The following PNPLA6 variants were observed in gnomAD, a reference collection of about 807,000 sequenced individuals.
PNPLA6 encodes patatin like domain 6, lysophospholipase, also known as patatin-like phospholipase domain-containing protein 6.
Under a neutral mutation model 153.7 loss-of-function variants are expected in PNPLA6, and 105 were observed. The ratio of observed to expected loss-of-function variants is 0.68; its 90% CI spans 0.58 to 0.80. The LOEUF (loss-of-function observed/expected upper bound fraction) is 0.80. PNPLA6 is among the 30% of genes least tolerant of loss of function. The pLI is 0.00. For missense variants in PNPLA6, 1,423 were observed against 1,919.3 expected (o/e 0.74, Z 4.83); for synonymous variants, 825 against 822.2 (o/e 1.00, Z -0.06).
rs1316060830 is a variant in PNPLA6, at chr19:7,561,074, C to T, written c.3877C>T (p.Pro1293Ser). The T allele has an allele frequency of 6.2e-7, 1 of 1,612,774 alleles. No individual in the cohort carries two copies. The change falls in exon 30 of 32, where the codon CCC becomes TCC. Residue 1293 changes from proline to serine, a missense_variant. This residue lies in a region of PNPLA6 where 643 missense variants were observed against 835.2 expected (regional missense o/e 0.77). Transcript: ENST00000600737. ...GGCAGAGATTGTGTCCCGGATTGAG[C>T]CCCCCACGAGCTATGTCTCTGATGG... ...DLAEIVSRIEPPTSYVSDGCA... is the reference protein window; with the variant it reads ...DLAEIVSRIESPTSYVSDGCA...
chr19:7,535,491 G>C, upstream of PNPLA6: 1 of 1,549,946 alleles, frequency 6.5e-7, no homozygotes. This position sits in a 1 kb window ranked among gnomAD's most constrained non-coding sequence, Gnocchi z 5.0. Context: ...GGGTTCCTTC[G>C]ACTCCTTGAT....
chr19:7,557,081 A>G, intron 26 of PNPLA6, 87 bp from the exon 27 acceptor site: 8 of 1,000,656 alleles, frequency 8.0e-6, no homozygotes, highest in Non-Finnish European at 1.1e-5. Flanking sequence ...ACAACGTCCC[A>G]GGTCAGCGAG....
At chr19:7,536,298 G>T (rs1476211206) in intron 2 of PNPLA6, 25 bp downstream of exon 2, 4 of 1,569,490 alleles carry the variant, frequency 2.5e-6, no homozygotes, top group Non-Finnish European at 3.5e-6. Context: ...CCTGGGGTCC[G>T]CCCTGACCAC....
chr19:7,539,996 C>G lies in PNPLA6; in HGVS notation c.492C>G (p.Thr164=), dbSNP rs778359563. Residue 164 remains threonine (T), a synonymous_variant, in exon 4 of 32, where the codon ACC becomes ACG. Coordinates refer to ENST00000600737, the MANE Select transcript of PNPLA6 (RefSeq NM_001166114.2). ...PPPAVLEADL[T]EGDLANSHLP... ...CCGCAGTGCTAGAAGCTGACCTGAC[C>G]GAGGGCGACCTGGCTAACTCCCATC... 2 of 1,595,376 alleles carry G rather than the reference C, an allele frequency of 1.3e-6. No homozygotes were observed. Among genetic ancestry groups the G allele is most frequent in the South Asian group, 1.1e-5 (1 of 88,970 alleles).
chr19:7,547,700 C>T (rs191944154), intron 13 of PNPLA6, among the ~76,000 whole-genome samples: 1 of 152,060 alleles, frequency 6.6e-6, no homozygotes, highest in Non-Finnish European at 1.5e-5. Flanking sequence ...TGTAGTGACG[C>T]TATCATAGCT....
At position 7,560,486 on chromosome 19, in the gene PNPLA6, T is replaced by C. The variant is rs925697035; in HGVS notation, c.3700-162T>C. ...TCTGTCAAGGGCAGGACAGGGGATG[T>C]GTAGGCGAGTGTGCTATGTGCAGCT... On this transcript the variant is annotated intron_variant, in intron 28 of 31. Coordinates refer to ENST00000600737, the MANE Select transcript of PNPLA6 (RefSeq NM_001166114.2). 8.7e-6 allele frequency: 6 copies of C among 691,456 alleles called. No individual in the cohort carries two copies. In the African/African-American group the frequency reaches 1.1e-4, roughly 12 times the overall value. The allele number at this position is 691,456 out of a possible 1,614,324, so 42.8% of individuals were successfully genotyped here.
chr19:7,556,351 T>A (rs2023879492), intron 24 of PNPLA6, 102 bp from the exon 25 acceptor site: 1 of 799,240 alleles, frequency 1.3e-6, no homozygotes, highest in Admixed American at 1.7e-5. Context: ...TGTGAGCCGC[T>A]GCACCTGGCC....
intron 13 of PNPLA6, among the ~76,000 whole-genome samples, chr19:7,549,497 T>C (rs111737892): frequency 3.4e-4 from 13 of 38,000 alleles, no homozygotes; most frequent in African/African-American, 5.6e-4. Flanking sequence ...TCTTCTTCTT[T>C]TTTTTTTTAA....
chr19:7,551,702 G>T (rs2023659223), intron 18 of PNPLA6, among the ~76,000 whole-genome samples: 2 of 152,176 alleles, frequency 1.3e-5, no homozygotes, highest in South Asian at 4.1e-4. Context: ...GTGGTGCCGG[G>T]GAGGGAGTCT....
chr19:7,560,670 A>G lies in PNPLA6; in HGVS notation c.3722A>G (p.Lys1241Arg), dbSNP rs1404861167. ...CAGGATGTGGGCTACCAGTACGGGAAGGCGGTGTTTGGAGGCTGGAGCCGT... is the reference window on the plus strand; with the variant it reads ...CAGGATGTGGGCTACCAGTACGGGAGGGCGGTGTTTGGAGGCTGGAGCCGT... Reference protein sequence around the residue: ...QIYDVGYQYGKAVFGGWSRGN... With the variant: ...QIYDVGYQYGRAVFGGWSRGN... The change falls in exon 29 of 32, where the codon AAG becomes AGG. Residue 1241 changes from lysine to arginine, a missense_variant. Lys to Arg is a conservative substitution (Grantham distance 26). Around this residue, in one of 10 missense-constraint regions of PNPLA6, gnomAD observed 643 missense variants for 835.2 expected, o/e 0.77. Coordinates refer to ENST00000600737, the MANE Select transcript of PNPLA6 (RefSeq NM_001166114.2). The G allele has an allele frequency of 6.2e-7, 1 of 1,613,466 alleles. No individual in the cohort carries two copies. The highest frequency in any genetic ancestry group is 1.1e-5 in the South Asian group (1 of 91,068).
chr19:7,539,897 G>A (rs2023049368), intron 3 of PNPLA6, 21 bp from the exon 4 acceptor site: 2 of 1,500,614 alleles, frequency 1.3e-6, no homozygotes, highest in Non-Finnish European at 1.8e-6. Context: ...CTCACCCCCG[G>A]CACCCCTCCC....
At position 7,554,967 on chromosome 19, in the gene PNPLA6, G is replaced by T; in HGVS notation, c.2709G>T (p.Ala903=). ...TCCTGCTCCACCGAGAGGAGGGCGCGGGCCCCACGCGCACCGTGGAGTGGC... is the reference window on the plus strand; with the variant it reads ...TCCTGCTCCACCGAGAGGAGGGCGCTGGCCCCACGCGCACCGTGGAGTGGC... ...QLVLLHREEG[A]GPTRTVEWLN... The change falls in exon 22 of 32, where the codon GCG becomes GCT. Residue 903 remains alanine, a synonymous_variant. Transcript: ENST00000600737. 6.3e-7 allele frequency: 1 copy of T among 1,590,442 alleles called. No homozygotes were observed.
At chr19:7,557,511 C>T (rs1206199333) in intron 27 of PNPLA6, 5 of 579,894 alleles carry the variant, frequency 8.6e-6, no homozygotes, top group African/African-American at 3.7e-5. Context: ...TGGCCAGGCG[C>T]GGTGGCTCAG....
At position 7,540,308 on chromosome 19, in the gene PNPLA6, T is replaced by G; in HGVS notation, c.714T>G (p.Pro238=). 6.2e-7 allele frequency: 1 copy of G among 1,603,206 alleles called. No individual in the cohort carries two copies. Residue 238 remains proline, a splice_region_variant and synonymous_variant, in exon 5 of 32, where the codon CCT becomes CCG. Coordinates refer to ENST00000600737, the MANE Select transcript of PNPLA6 (RefSeq NM_001166114.2). This position sits in a 1 kb window ranked among gnomAD's most constrained non-coding sequence, Gnocchi z 6.8. ...DGLLELCLPG[P]DGKECVVKEV... is the part of the protein sequence containing the mutation. ...TGCTGGAGCTCTGTCTGCCAGGGCC[T>G]GTGAGTGGGCCTCCCCAGGGGCTGC...
chr19:7,546,615 G>T (rs2023397543), intron 13 of PNPLA6, among the ~76,000 whole-genome samples: 2 of 152,162 alleles, frequency 1.3e-5, no homozygotes, highest in South Asian at 4.1e-4. Context: ...CGCCATGTTG[G>T]CCAGGATGGT....
At chr19:7,553,593 G>GAGT (rs1327017894) in intron 18 of PNPLA6, among the ~76,000 whole-genome samples, 1 of 152,258 alleles carries the variant, frequency 6.6e-6, no homozygotes, top group Admixed American at 6.5e-5. Context: ...AATGGTTGTA[G>GAGT]AGTTGTGTAA....
chr19:7,554,907 G>A lies in PNPLA6; in HGVS notation c.2649G>A (p.Leu883=), dbSNP rs937056910. 5 of 1,586,580 alleles carry A rather than the reference G, an allele frequency of 3.2e-6. No homozygotes were observed. The highest frequency in any genetic ancestry group is 1.7e-4 in the Middle Eastern group (1 of 5,764). ...EPTLGQLEQM[L]ENTAVRALKQ... ...GTATTCCGCAGCTGGAGCAGATGCTGGAGAACACGGCTGTGCGCGCCCTTA... is the reference window on the plus strand; with the variant it reads ...GTATTCCGCAGCTGGAGCAGATGCTAGAGAACACGGCTGTGCGCGCCCTTA... Residue 883 remains leucine (L), a synonymous_variant, in exon 22 of 32, where the codon CTG becomes CTA. Transcript: ENST00000600737.
rs1213498055 is a variant in PNPLA6, at chr19:7,540,704, C to T, written c.789C>T (p.Val263=). 6.2e-7 allele frequency: 1 copy of T among 1,612,892 alleles called. No individual in the cohort carries two copies. The highest frequency in any genetic ancestry group is 1.7e-5 in the Admixed American group (1 of 60,012). Residue 263 remains valine, a synonymous_variant, in exon 6 of 32, where the codon GTC becomes GTT. Coordinates refer to ENST00000600737, the MANE Select transcript of PNPLA6 (RefSeq NM_001166114.2). This position sits in a 1 kb window ranked among gnomAD's most constrained non-coding sequence, Gnocchi z 6.8. The stretch of plus-strand genomic sequence containing the variant: ...ACAGCCTTCTCAGCATCCTGGATGT[C>T]ATCACCGTGAGTGACCAGTTTCTGA... ...SVNSLLSILD[V]ITGHQHPQRT...
intron 27 of PNPLA6, among the ~76,000 whole-genome samples, chr19:7,557,783 C>CCAAAAAAA (rs773767930): frequency 9.0e-6 from 1 of 110,600 alleles, no homozygotes; most frequent in Non-Finnish European, 1.7e-5. Flanking sequence ...GACTCAGTCT[C>CCAAAAAAA]AAAAAAAAAA....
Sources: allele counts gnomAD v4.1 joint callset (sites outside exome capture counted in the v4.1 genomes callset), GRCh38; gene constraint gnomAD v4.1.1; regional missense constraint gnomAD v4.1.1; non-coding constraint Gnocchi (gnomAD v3.1); transcripts MANE v1.5; gene names NCBI Gene and HGNC (gene_info 2026-07-23, HGNC 2026-07-21).